FGGY: variants seen among roughly 807,000 people sequenced by gnomAD.
FGGY encodes FGGY carbohydrate kinase domain-containing protein.
Under a neutral mutation model 71.3 loss-of-function variants are expected in FGGY, and 72 were observed. The ratio of observed to expected loss-of-function variants is 1.01; its 90% confidence interval spans 0.84 to 1.23. The LOEUF is 1.23. Ranked by LOEUF, FGGY falls within the 50% of genes most tolerant of loss-of-function variation. The pLI, the probability that FGGY is intolerant of heterozygous loss-of-function variation, is 0.00. For missense variants in FGGY, 668 were observed against 682.3 expected, an observed-to-expected ratio of 0.98 and a Z score of 0.23; for synonymous variants, 251 against 250.3, an observed-to-expected ratio of 1.00 and a Z score of -0.02.
At chr1:59,437,905 T>A (rs1225699509) in intron 5 of FGGY, among the ~76,000 whole-genome samples, 1 of 152,196 alleles carries the variant, frequency 6.6e-6, no homozygotes, top group Non-Finnish European at 1.5e-5. Flanking sequence ...CAGGGAGAGA[T>A]ACTGAAGTTT....
chr1:59,640,056 A>G (rs535775035), intron 11 of FGGY, among the ~76,000 whole-genome samples: 6 of 152,376 alleles, frequency 3.9e-5, no homozygotes, highest in Admixed American at 6.5e-5. Context: ...ATGGGGACAT[A>G]TGCCCAGTTG....
chr1:59,650,179 G>A lies in FGGY; in HGVS notation c.1222-10040G>A, dbSNP rs761424436. 1.4e-4 allele frequency among the ~76,000 whole-genome samples: 21 copies of A among 147,770 alleles called. 4 individuals are homozygous for A. The highest frequency in any genetic ancestry group is 4.8e-4 in the African/African-American group (18 of 37,394). On this transcript the variant is annotated intron_variant, in intron 11 of 15. Coordinates refer to ENST00000303721, the MANE Select transcript of FGGY (RefSeq NM_018291.5). The stretch of plus-strand genomic sequence containing the variant: ...GTATTGTATTGAGGATTTTTGCATC[G>A]ATGTTCATCAGGGATATTGGTCTAA...
At chr1:59,381,441 C>T (rs1008773408) in intron 5 of FGGY, among the ~76,000 whole-genome samples, 3 of 151,814 alleles carry the variant, frequency 2.0e-5, no homozygotes, top group African/African-American at 7.3e-5. Flanking sequence ...ACTTTTTTTT[C>T]ACTTTTTAAA....
intron 13 of FGGY, among the ~76,000 whole-genome samples, chr1:59,668,442 A>G (rs2097345119): frequency 6.6e-6 from 1 of 152,018 alleles, no homozygotes; most frequent in African/African-American, 2.4e-5. Flanking sequence ...CCCTACCTCC[A>G]TTTATCATTA....
intron 11 of FGGY, among the ~76,000 whole-genome samples, chr1:59,655,967 G>A (rs913735894): frequency 2.0e-5 from 3 of 152,066 alleles, no homozygotes; most frequent in African/African-American, 4.8e-5. Flanking sequence ...CGCTAACCTC[G>A]AAAATCCCAA....
rs17119325 is a variant in FGGY, at chr1:59,362,312, A to G, written c.465+15914A>G. ...TCTCTTCCCTCTGTGTCAGAAATGTATACAGGAACACATCCTCCTGCCTCC... is the reference window on the plus strand; with the variant it reads ...TCTCTTCCCTCTGTGTCAGAAATGTGTACAGGAACACATCCTCCTGCCTCC... On this transcript the variant is annotated intron_variant, in intron 4 of 15. Coordinates refer to ENST00000303721, the MANE Select transcript of FGGY (RefSeq NM_018291.5). Among the ~76,000 whole-genome samples, 198 of 151,996 alleles carry G rather than the reference A, an allele frequency of 1.3e-3. 1 individual carries two copies. Among genetic ancestry groups the G allele is most frequent in the African/African-American group, 4.6e-3 (189 of 41,418 alleles).
At chr1:59,474,419 T>C (rs1393320493) in intron 6 of FGGY, among the ~76,000 whole-genome samples, 2 of 152,176 alleles carry the variant, frequency 1.3e-5, no homozygotes, top group Non-Finnish European at 2.9e-5. Context: ...GTGAGGTGAA[T>C]TTCCTTGGTC....
At chr1:59,714,498 T>C (rs1480590403) in intron 14 of FGGY, among the ~76,000 whole-genome samples, 1 of 152,220 alleles carries the variant, frequency 6.6e-6, no homozygotes. Context: ...CACTGAACTC[T>C]GGGAATAGAC....
chr1:59,565,813 T>C (rs1012847260), intron 8 of FGGY, among the ~76,000 whole-genome samples: 2 of 152,168 alleles, frequency 1.3e-5, no homozygotes, highest in Non-Finnish European at 2.9e-5. Context: ...ATTTTCCCTT[T>C]TTCCCAGTCT....
chr1:59,650,950 G>A (rs2097152898), intron 11 of FGGY, among the ~76,000 whole-genome samples: 1 of 151,174 alleles, frequency 6.6e-6, no homozygotes. Flanking sequence ...GGTACGTTGT[G>A]TCTTTGTTCT....
chr1:59,748,145 T>G (rs965485917), intron 14 of FGGY, among the ~76,000 whole-genome samples: 7 of 152,172 alleles, frequency 4.6e-5, no homozygotes, highest in Non-Finnish European at 1.0e-4. Context: ...ACAAATGTCC[T>G]GCTAAAAGCT....
intron 8 of FGGY, among the ~76,000 whole-genome samples, chr1:59,555,466 A>T (rs1035533891): frequency 6.6e-6 from 1 of 152,174 alleles, no homozygotes; most frequent in African/African-American, 2.4e-5. Flanking sequence ...GTGCTGCAAG[A>T]ATTAAATGAG....
chr1:59,322,710 T>C (rs985861554), intron 2 of FGGY, among the ~76,000 whole-genome samples: 1 of 152,220 alleles, frequency 6.6e-6, no homozygotes, highest in Non-Finnish European at 1.5e-5. Context: ...TTGGATTGGA[T>C]GCAGCCTGCT....
intron 5 of FGGY, among the ~76,000 whole-genome samples, chr1:59,412,588 CCTT>C (rs1400298181): frequency 6.6e-6 from 1 of 152,170 alleles, no homozygotes; most frequent in East Asian, 1.9e-4. Flanking sequence ...TGTTTAAACT[CCTT>C]CTCTATAATC....
chr1:59,704,307 C>G (rs933599682), intron 14 of FGGY, among the ~76,000 whole-genome samples: 1 of 152,086 alleles, frequency 6.6e-6, no homozygotes, highest in Non-Finnish European at 1.5e-5. Context: ...CTGTTGCCAA[C>G]TTGCTTTTCT....
intron 6 of FGGY, among the ~76,000 whole-genome samples, chr1:59,460,790 G>A (rs2092129859): frequency 6.6e-6 from 1 of 152,178 alleles, no homozygotes. Flanking sequence ...CAAACTGTCT[G>A]GAGTGGACCT....
At chr1:59,718,599 G>A (rs926656203) in intron 14 of FGGY, among the ~76,000 whole-genome samples, 1 of 152,192 alleles carries the variant, frequency 6.6e-6, no homozygotes, top group Non-Finnish European at 1.5e-5. Flanking sequence ...ATGCATTAGC[G>A]ACTTGCCCTC....
At chr1:59,564,351 C>T (rs1002182927) in intron 8 of FGGY, among the ~76,000 whole-genome samples, 1 of 152,082 alleles carries the variant, frequency 6.6e-6, no homozygotes, top group Non-Finnish European at 1.5e-5. Context: ...TGGGCTCTAA[C>T]CACAGAAAAG....
intron 11 of FGGY, among the ~76,000 whole-genome samples, chr1:59,649,115 C>G (rs1431357310): frequency 3.7e-4 from 56 of 152,034 alleles, no homozygotes; most frequent in Non-Finnish European, 1.8e-4. Flanking sequence ...CTATATCTCT[C>G]TTTTGGTACC....
Sources: allele counts gnomAD v4.1 joint callset (sites outside exome capture counted in the v4.1 genomes callset), GRCh38; gene constraint gnomAD v4.1.1; transcripts MANE v1.5; gene names NCBI Gene and HGNC (gene_info 2026-07-23, HGNC 2026-07-21).